Variants in NPAS2 observed in about 807,000 individuals in gnomAD.
NPAS2 encodes neuronal PAS domain protein 2.
In NPAS2, 23 loss-of-function variants were observed where a neutral mutation model predicts 107.5. That is an observed-to-expected ratio of 0.21 (90% CI 0.15 to 0.30). NPAS2 has a LOEUF of 0.30. Ranked by LOEUF, NPAS2 falls within the 10% of genes least tolerant of loss-of-function variation. The pLI is 1.00. For synonymous variants in NPAS2, 403 were observed against 417.5 expected (o/e 0.97, Z 0.42); for missense variants, 756 against 1,043.3 (o/e 0.72, Z 3.79).
chr2:100,936,664 T>C (rs773462963), intron 4 of NPAS2, among the ~76,000 whole-genome samples: 3 of 152,074 alleles, frequency 2.0e-5, no homozygotes, highest in Non-Finnish European at 4.4e-5. Flanking sequence ...CACACAAAAA[T>C]AAATCCCAAT....
chr2:100,832,084 T>A (rs1676776314), intron 1 of NPAS2, among the ~76,000 whole-genome samples: 1 of 152,122 alleles, frequency 6.6e-6, no homozygotes, highest in South Asian at 2.1e-4. Context: ...TGTGTGTGAT[T>A]CTCATGACCA....
At chr2:100,877,860 C>A in intron 1 of NPAS2, 1 of 563,374 alleles carries the variant, frequency 1.8e-6, no homozygotes, top group Non-Finnish European at 2.3e-6. Flanking sequence ...TCACATACTG[C>A]CTTGTAAGAA....
Position 100,990,803 on chromosome 2 carries a change from A to G in NPAS2, c.2042A>G (p.Gln681Arg). Reference sequence around the variant, plus strand: ...AGGCTGTTGCTGAGCCAGCCCATCCAGCCCATGATGCCCGGGTCCTGTGAC... The same window carrying G: ...AGGCTGTTGCTGAGCCAGCCCATCCGGCCCATGATGCCCGGGTCCTGTGAC... Reference protein sequence around the residue: ...QLRLLLSQPIQPMMPGSCDAR... With the variant: ...QLRLLLSQPIRPMMPGSCDAR... Residue 681 changes from glutamine to arginine, a missense_variant, in exon 19 of 21, where the codon CAG becomes CGG. Gln to Arg is a conservative substitution (Grantham distance 43). Around this residue, in one of 4 missense-constraint regions of NPAS2, gnomAD observed 496 missense variants for 594.4 expected, o/e 0.83. Transcript: ENST00000335681. The G allele has an allele frequency of 1.2e-6, 2 of 1,614,208 alleles. No individual in the cohort carries two copies. Among genetic ancestry groups the G allele is most frequent in the Non-Finnish European group, 1.7e-6 (2 of 1,180,038 alleles).
At chr2:100,875,849 G>T (rs1290235379) in intron 1 of NPAS2, among the ~76,000 whole-genome samples, 1 of 152,158 alleles carries the variant, frequency 6.6e-6, no homozygotes, top group Non-Finnish European at 1.5e-5. Context: ...GGAGACGGAT[G>T]AGGAAAAAAC....
At chr2:100,912,256 ATT>A (rs1491261650) in intron 2 of NPAS2, among the ~76,000 whole-genome samples, 704 of 41,978 alleles carry the variant, frequency 0.017, 7 homozygotes, top group Admixed American at 0.046. Context: ...TTATTTATTT[ATT>A]ATTATTATTT....
At chr2:100,937,970 G>T in intron 5 of NPAS2, 128 bp downstream of exon 5, 1 of 794,214 alleles carries the variant, frequency 1.3e-6, no homozygotes, top group Non-Finnish European at 2.2e-6. Flanking sequence ...GGAGAGTAAA[G>T]GACTGCTGAG....
chr2:100,824,951 C>T (rs1314532073), intron 1 of NPAS2, among the ~76,000 whole-genome samples: 9 of 151,902 alleles, frequency 5.9e-5, no homozygotes, highest in Admixed American at 4.6e-4. Flanking sequence ...AGGGTGGAGA[C>T]GAGAGAGGGA....
chr2:100,972,711 T>C (rs1269256748), intron 12 of NPAS2: 1 of 152,194 alleles, frequency 6.6e-6, no homozygotes, highest in African/African-American at 2.4e-5. Context: ...TATCACGTCA[T>C]AGAAGGGAAT....
At chr2:100,972,809 A>G (rs926573064) in intron 12 of NPAS2, 1 of 152,280 alleles carries the variant, frequency 6.6e-6, no homozygotes, top group Admixed American at 6.5e-5. Flanking sequence ...GAAATTTATC[A>G]TTGAGGTTTC....
chr2:100,984,745 C>CA (rs1292303894), intron 16 of NPAS2: 2 of 152,152 alleles, frequency 1.3e-5, no homozygotes, highest in East Asian at 3.8e-4. Flanking sequence ...CTGTGCCCAG[C>CA]AGCAAACCAG....
chr2:100,862,108 G>A (rs1172104169), intron 1 of NPAS2, among the ~76,000 whole-genome samples: 3 of 152,078 alleles, frequency 2.0e-5, no homozygotes, highest in Non-Finnish European at 4.4e-5. Context: ...TTATGATGAG[G>A]AAACTATAAT....
intron 1 of NPAS2, among the ~76,000 whole-genome samples, chr2:100,848,020 C>A (rs1398617424): frequency 6.6e-6 from 1 of 152,066 alleles, no homozygotes; most frequent in African/African-American, 2.4e-5. Flanking sequence ...AGAGGGGACC[C>A]CTGGACCTTA....
At chr2:100,979,194 G>A (rs1384251417) in intron 15 of NPAS2, among the ~76,000 whole-genome samples, 1 of 151,804 alleles carries the variant, frequency 6.6e-6, no homozygotes, top group East Asian at 1.9e-4. Context: ...CTACCCTTCT[G>A]GAATCTACTC....
chr2:100,883,906 G>A (rs1370614308), intron 1 of NPAS2, among the ~76,000 whole-genome samples: 1 of 148,820 alleles, frequency 6.7e-6, no homozygotes, highest in Admixed American at 6.7e-5. Context: ...CTACTGGTTA[G>A]GCCCCAGCCC....
chr2:100,902,302 C>T (rs1162746934), intron 1 of NPAS2, among the ~76,000 whole-genome samples: 1 of 152,178 alleles, frequency 6.6e-6, no homozygotes. Flanking sequence ...CACTCAACAG[C>T]AGCCGAGGTG....
intron 14 of NPAS2, 120 bp from the exon 15 acceptor site, chr2:100,977,590 C>G: frequency 1.2e-6 from 1 of 800,980 alleles, no homozygotes; most frequent in South Asian, 1.5e-5. Context: ...TTCTAGAACT[C>G]TTGACTTGGA....
At chr2:100,988,735 G>A (rs866625032) in intron 17 of NPAS2, 13 of 201,530 alleles carry the variant, frequency 6.5e-5, no homozygotes, top group East Asian at 1.8e-4. Context: ...TCCTCCAGGC[G>A]CCCCCTGCTC....
At chr2:100,938,471 T>C (rs1265267653) in intron 5 of NPAS2, among the ~76,000 whole-genome samples, 1 of 138,004 alleles carries the variant, frequency 7.2e-6, no homozygotes, top group Non-Finnish European at 1.6e-5. Flanking sequence ...GAAGGGGCTG[T>C]GGTATGGTCA....
chr2:100,982,517 C>A, intron 16 of NPAS2, 140 bp downstream of exon 16: 1 of 959,262 alleles, frequency 1.0e-6, no homozygotes, highest in Non-Finnish European at 1.5e-6. Context: ...AAGCATATTG[C>A]AGTCTCTGCA....
Sources: allele counts gnomAD v4.1 joint callset (sites outside exome capture counted in the v4.1 genomes callset), GRCh38; gene constraint gnomAD v4.1.1; regional missense constraint gnomAD v4.1.1; transcripts MANE v1.5; gene names NCBI Gene and HGNC (gene_info 2026-07-23, HGNC 2026-07-21).